The following FBXL17 variants were observed in gnomAD, a reference collection of about 807,000 sequenced individuals.
FBXL17 encodes F-box/LRR-repeat protein 17.
Under a neutral mutation model 66.2 loss-of-function variants are expected in FBXL17, and 22 were observed. The observed-to-expected ratio is 0.33, with a 90% CI of 0.24 to 0.47. The LOEUF is 0.47. Ranked by LOEUF, FBXL17 falls within the 20% of genes least tolerant of loss-of-function variation. The probability of loss-of-function intolerance (pLI) is 1.00; values close to 1 mark genes in which losing one functional copy is unlikely to be tolerated. For synonymous variants in FBXL17, 474 were observed against 400.5 expected, an observed-to-expected ratio of 1.18 and a Z score of -2.19; for missense variants, 878 against 948.2, an observed-to-expected ratio of 0.93 and a Z score of 0.97.
chr5:108,372,514 C>T (rs1241224016), intron 1 of FBXL17, among the ~76,000 whole-genome samples: 1 of 152,126 alleles, frequency 6.6e-6, no homozygotes, highest in Admixed American at 6.5e-5. Context: ...ACCGAGAGAA[C>T]CCTGAAAGCA....
intron 7 of FBXL17, among the ~76,000 whole-genome samples, chr5:107,954,844 G>A (rs1382196123): frequency 6.6e-6 from 1 of 152,040 alleles, no homozygotes; most frequent in African/African-American, 2.4e-5. Context: ...AAGGTTATAG[G>A]AAATTCCTAT....
chr5:108,111,547 T>C (rs993730185), intron 6 of FBXL17, among the ~76,000 whole-genome samples: 1 of 152,236 alleles, frequency 6.6e-6, no homozygotes, highest in African/African-American at 2.4e-5. Flanking sequence ...TACACTATCA[T>C]TCATTCTTAA....
intron 6 of FBXL17, among the ~76,000 whole-genome samples, chr5:108,137,080 T>C (rs1191957722): frequency 6.6e-6 from 1 of 152,200 alleles, no homozygotes; most frequent in African/African-American, 2.4e-5. Context: ...ACTTATAGTA[T>C]TATCAAAGTT....
intron 4 of FBXL17, among the ~76,000 whole-genome samples, chr5:108,302,243 A>G (rs953432385): frequency 3.3e-5 from 5 of 152,024 alleles, no homozygotes; most frequent in Admixed American, 2.0e-4. Context: ...AGTCATCACT[A>G]GTCAAAAATA....
At chr5:108,338,400 A>G (rs908800186) in intron 4 of FBXL17, among the ~76,000 whole-genome samples, 1 of 152,138 alleles carries the variant, frequency 6.6e-6, no homozygotes, top group African/African-American at 2.4e-5. Context: ...GAGTCTCAAT[A>G]TATTTATTTA....
chr5:108,036,290 C>T (rs1746837628), intron 6 of FBXL17, among the ~76,000 whole-genome samples: 2 of 152,144 alleles, frequency 1.3e-5, no homozygotes, highest in Admixed American at 1.3e-4. Flanking sequence ...TTTCTCAAAA[C>T]AATAAACCTT....
intron 4 of FBXL17, among the ~76,000 whole-genome samples, chr5:108,346,061 C>CATT (rs1333076900): frequency 6.6e-6 from 1 of 152,110 alleles, no homozygotes; most frequent in Non-Finnish European, 1.5e-5. Context: ...TTTGTTGTTA[C>CATT]ATTACTAAGA....
chr5:107,942,947 A>G (rs771104779), intron 7 of FBXL17, among the ~76,000 whole-genome samples: 24 of 151,788 alleles, frequency 1.6e-4, no homozygotes, highest in Non-Finnish European at 2.6e-4. Flanking sequence ...TCCAAATACA[A>G]TGGACACTTT....
chr5:108,069,950 C>T (rs1748267286), intron 6 of FBXL17, among the ~76,000 whole-genome samples: 1 of 152,156 alleles, frequency 6.6e-6, no homozygotes, highest in Non-Finnish European at 1.5e-5. Flanking sequence ...TAGAAACAGT[C>T]TTACAAAGAG....
At chr5:108,287,994 CAA>C (rs1242882618) in intron 4 of FBXL17, among the ~76,000 whole-genome samples, 1 of 151,762 alleles carries the variant, frequency 6.6e-6, no homozygotes, top group African/African-American at 2.4e-5. Context: ...GCCATTATAC[CAA>C]GTGAACAAAC....
At chr5:107,915,385 C>T (rs2112553088) in intron 7 of FBXL17, among the ~76,000 whole-genome samples, 1 of 152,182 alleles carries the variant, frequency 6.6e-6, no homozygotes, top group Non-Finnish European at 1.5e-5. Flanking sequence ...GTTAATATGT[C>T]TTTGGTGTTT....
chr5:107,924,208 C>T (rs1032486299), intron 7 of FBXL17, among the ~76,000 whole-genome samples: 2 of 151,756 alleles, frequency 1.3e-5, no homozygotes, highest in Admixed American at 6.6e-5. Flanking sequence ...CTTCTGAGAG[C>T]GTTCCTTTCA....
At chr5:108,242,639 G>C (rs1755912859) in intron 4 of FBXL17, among the ~76,000 whole-genome samples, 1 of 152,072 alleles carries the variant, frequency 6.6e-6, no homozygotes, top group African/African-American at 2.4e-5. Context: ...AAAAATGAAA[G>C]TTGACAAAAA....
intron 5 of FBXL17, among the ~76,000 whole-genome samples, chr5:108,218,208 C>T (rs1262360497): frequency 1.3e-5 from 2 of 151,852 alleles, no homozygotes; most frequent in East Asian, 3.9e-4. Flanking sequence ...TGGGGTTTCA[C>T]CATGTTAGCC....
At chr5:108,294,242 C>A (rs1277599896) in intron 4 of FBXL17, among the ~76,000 whole-genome samples, 2 of 138,138 alleles carry the variant, frequency 1.4e-5, no homozygotes, top group African/African-American at 2.7e-5. Flanking sequence ...TATATTCTTA[C>A]TGAATATATA....
At chr5:108,209,613 T>C (rs1238426073) in intron 5 of FBXL17, among the ~76,000 whole-genome samples, 2 of 152,230 alleles carry the variant, frequency 1.3e-5, no homozygotes, top group Non-Finnish European at 2.9e-5. Context: ...GAATTACATT[T>C]ATTGATTTTC....
intron 6 of FBXL17, among the ~76,000 whole-genome samples, chr5:108,038,460 G>A (rs993462171): frequency 7.2e-5 from 11 of 152,052 alleles, no homozygotes; most frequent in African/African-American, 2.4e-4. Flanking sequence ...ATTGTGTTTC[G>A]GTGATGGGTA....
At chr5:108,288,141 G>C (rs1445130915) in intron 4 of FBXL17, among the ~76,000 whole-genome samples, 1 of 151,778 alleles carries the variant, frequency 6.6e-6, no homozygotes, top group Non-Finnish European at 1.5e-5. Flanking sequence ...GGTGAAGATT[G>C]AAAAACTACC....
At chr5:108,353,845 T>C (rs1212598487) in intron 3 of FBXL17, among the ~76,000 whole-genome samples, 1 of 152,150 alleles carries the variant, frequency 6.6e-6, no homozygotes, top group African/African-American at 2.4e-5. Context: ...CTATAGATCA[T>C]TCCTCCTCTC....
Sources: gnomAD v4.1 joint callset for allele counts (sites outside exome capture counted in the v4.1 genomes callset) on GRCh38, gnomAD v4.1.1 for gene constraint, MANE v1.5 for transcripts, NCBI Gene and HGNC (gene_info 2026-07-23, HGNC 2026-07-21) for gene names.